Variants in MAF observed in about 807,000 individuals in gnomAD.
MAF encodes the protein MAF bZIP transcription factor, also known as transcription factor Maf.
MAF carries 10 observed loss-of-function variants against 22.0 expected under a neutral mutation model. The observed-to-expected ratio is 0.45, with a 90% CI of 0.28 to 0.77. The LOEUF (loss-of-function observed/expected upper bound fraction) is 0.77, where lower values mean the gene tolerates loss of function less well. Among genes scored for constraint, MAF ranks in the 30% least tolerant of loss-of-function variants. MAF has a pLI of 0.12. For synonymous variants in MAF, 337 were observed against 255.8 expected (o/e 1.32, Z -3.03); for missense variants, 544 against 548.4 (o/e 0.99, Z 0.08).
the MAF span, among the ~76,000 whole-genome samples, chr16:79,398,184 T>C: frequency 6.6e-6 from 1 of 152,120 alleles, no homozygotes; most frequent in Non-Finnish European, 1.5e-5. Flanking sequence ...AACCTCTGCT[T>C]CTATTGCCAC....
At chr16:79,240,166 T>C in the MAF span, among the ~76,000 whole-genome samples, 1 of 151,642 alleles carries the variant, frequency 6.6e-6, no homozygotes, top group Non-Finnish European at 1.5e-5. Flanking sequence ...AGAAAAACTA[T>C]ATGTGAAAAT....
At chr16:79,527,835 G>C in the MAF span, among the ~76,000 whole-genome samples, 1 of 152,122 alleles carries the variant, frequency 6.6e-6, no homozygotes, top group Non-Finnish European at 1.5e-5. Context: ...ACAGACAAGA[G>C]GATGATGGTT....
chr16:79,531,399 G>C, the MAF span, among the ~76,000 whole-genome samples: 2 of 152,100 alleles, frequency 1.3e-5, no homozygotes, highest in Non-Finnish European at 2.9e-5. Context: ...TGGGAGTGGG[G>C]TGGGGATGTT....
the MAF span, among the ~76,000 whole-genome samples, chr16:79,222,292 G>A: frequency 5.9e-5 from 9 of 152,086 alleles, 1 homozygote; most frequent in South Asian, 2.1e-4. Context: ...AATTCTGAGC[G>A]ATTTTATCAC....
chr16:79,448,179 G>A, the MAF span, among the ~76,000 whole-genome samples: 1 of 152,128 alleles, frequency 6.6e-6, no homozygotes, highest in African/African-American at 2.4e-5. Context: ...AGTGCCACAT[G>A]CCACAGAGAA....
At chr16:79,542,860 G>T in the MAF span, among the ~76,000 whole-genome samples, 6 of 152,210 alleles carry the variant, frequency 3.9e-5, no homozygotes, top group African/African-American at 1.4e-4. Flanking sequence ...CAAGGCAGTT[G>T]GTTTCCACAT....
chr16:79,543,262 A>C, the MAF span, among the ~76,000 whole-genome samples: 1 of 152,238 alleles, frequency 6.6e-6, no homozygotes, highest in African/African-American at 2.4e-5. Context: ...AGTATCTTGG[A>C]GACAGGCAAG....
At chr16:79,428,096 TAAAAAAA>T in the MAF span, among the ~76,000 whole-genome samples, 1 of 104,124 alleles carries the variant, frequency 9.6e-6, no homozygotes, top group African/African-American at 3.7e-5. Flanking sequence ...CGACTCAAAT[TAAAAAAA>T]AAAAAAAAAA....
chr16:79,587,691 C>A (rs1298379510), intron 1 of MAF, among the ~76,000 whole-genome samples: 1 of 152,058 alleles, frequency 6.6e-6, no homozygotes, highest in African/African-American at 2.4e-5. Flanking sequence ...CATTGATAGT[C>A]TCCGTTATTT....
the MAF span, among the ~76,000 whole-genome samples, chr16:79,262,493 C>T: frequency 2.0e-5 from 3 of 152,032 alleles, no homozygotes; most frequent in Non-Finnish European, 2.9e-5. Context: ...TCAAGGGCCT[C>T]GGGTGGATAC....
the MAF span, among the ~76,000 whole-genome samples, chr16:79,483,417 T>C: frequency 6.8e-6 from 1 of 148,120 alleles, no homozygotes; most frequent in African/African-American, 2.5e-5. Flanking sequence ...GGAAGGAAGA[T>C]AGGAAGGGAA....
the MAF span, among the ~76,000 whole-genome samples, chr16:79,345,124 C>T: frequency 5.3e-5 from 8 of 152,116 alleles, no homozygotes; most frequent in African/African-American, 1.4e-4. Context: ...GTACCCTAAC[C>T]GTTATTGTTT....
At chr16:79,205,076 G>C in the MAF span, 12 of 152,216 alleles carry the variant, frequency 7.9e-5, no homozygotes, top group Non-Finnish European at 1.6e-4. Context: ...CCGTAAACAG[G>C]AAAGGCCACA....
At chr16:79,376,396 G>A in the MAF span, among the ~76,000 whole-genome samples, 1 of 151,740 alleles carries the variant, frequency 6.6e-6, no homozygotes. Context: ...TTTTTTCATT[G>A]CAAAAGTTAT....
At chr16:79,475,313 T>C in the MAF span, among the ~76,000 whole-genome samples, 1 of 150,964 alleles carries the variant, frequency 6.6e-6, no homozygotes, top group Non-Finnish European at 1.5e-5. Context: ...GACCCACATA[T>C]ATATGTGCAT....
At chr16:79,211,775 G>C in the MAF span, 8 of 1,614,008 alleles carry the variant, frequency 5.0e-6, no homozygotes, top group Non-Finnish European at 5.9e-6. Flanking sequence ...TCCAAGAACG[G>C]CTTGGCAGCC....
chr16:79,238,159 T>A, the MAF span, among the ~76,000 whole-genome samples: 9 of 152,098 alleles, frequency 5.9e-5, no homozygotes, highest in Non-Finnish European at 1.3e-4. Context: ...TGAAGACAAC[T>A]ACAGAGCTCA....
chr16:79,220,771 C>T, the MAF span, among the ~76,000 whole-genome samples: 3 of 152,200 alleles, frequency 2.0e-5, no homozygotes, highest in Non-Finnish European at 4.4e-5. Flanking sequence ...TTTTTCTGTG[C>T]TGCCTACACA....
the MAF span, among the ~76,000 whole-genome samples, chr16:79,441,696 G>C: frequency 6.6e-6 from 1 of 152,226 alleles, no homozygotes; most frequent in Non-Finnish European, 1.5e-5. Flanking sequence ...GCTGATAGAA[G>C]AGGAACAATT....
Sources: gnomAD v4.1 joint callset for allele counts (sites outside exome capture counted in the v4.1 genomes callset) on GRCh38, gnomAD v4.1.1 for gene constraint, MANE v1.5 for transcripts, NCBI Gene and HGNC (gene_info 2026-07-23, HGNC 2026-07-21) for gene names.